Variants in ST6GALNAC3 observed in about 807,000 individuals in gnomAD.
ST6GALNAC3 encodes the protein alpha-N-acetylgalactosaminide alpha-2,6-sialyltransferase 3.
A neutral mutation model predicts 32.7 loss-of-function variants in ST6GALNAC3; 25 were observed. The ratio of observed to expected loss-of-function variants is 0.76; its 90% CI spans 0.56 to 1.07. The LOEUF (loss-of-function observed/expected upper bound fraction) is 1.07. Ranked by LOEUF, ST6GALNAC3 falls within the 50% of genes least tolerant of loss-of-function variation. The pLI, the probability that ST6GALNAC3 is intolerant of heterozygous loss-of-function variation, is 0.00. For missense variants in ST6GALNAC3, 355 were observed against 382.4 expected (o/e 0.93, Z 0.60); for synonymous variants, 129 against 133.1 (o/e 0.97, Z 0.21).
At chr1:76,164,811 T>G (rs1383228475) in intron 1 of ST6GALNAC3, among the ~76,000 whole-genome samples, 4 of 152,218 alleles carry the variant, frequency 2.6e-5, no homozygotes, top group Admixed American at 6.5e-5. Context: ...AAAGCTGATT[T>G]TGTAGAGCCA....
chr1:76,444,151 G>A (rs1656806775), intron 3 of ST6GALNAC3, among the ~76,000 whole-genome samples: 1 of 152,210 alleles, frequency 6.6e-6, no homozygotes, highest in Non-Finnish European at 1.5e-5. Flanking sequence ...TCCTCTCCCA[G>A]TGAGAAAACT....
chr1:76,449,633 T>C (rs1657243242), intron 3 of ST6GALNAC3, among the ~76,000 whole-genome samples: 1 of 152,262 alleles, frequency 6.6e-6, no homozygotes, highest in African/African-American at 2.4e-5. Context: ...ATTTCATTGT[T>C]ACTTTAATTT....
intron 3 of ST6GALNAC3, among the ~76,000 whole-genome samples, chr1:76,472,210 TA>T (rs1195879221): frequency 6.6e-6 from 1 of 152,194 alleles, no homozygotes; most frequent in African/African-American, 2.4e-5. Flanking sequence ...AAGATTCATT[TA>T]CTTGATCTCA....
rs141237740 is a variant in ST6GALNAC3, at chr1:76,554,995, T to C, written c.624-72457T>C. ...ACTAATTTGCCCAAGGTACTATAAA[T>C]ATCTCCTTTGATAGGTTAAATCATT... is the stretch of plus-strand genomic sequence containing the variant. On this transcript the variant is annotated intron_variant, in intron 3 of 4. Transcript: ENST00000328299. Among the ~76,000 whole-genome samples the C allele has an allele frequency of 2.7e-3, 405 of 152,278 alleles. 2 individuals carry two copies. The highest frequency in any genetic ancestry group is 9.2e-3 in the African/African-American group (382 of 41,568).
chr1:76,171,735 C>G (rs1652513705), intron 1 of ST6GALNAC3, among the ~76,000 whole-genome samples: 4 of 150,470 alleles, frequency 2.7e-5, no homozygotes, highest in Admixed American at 1.3e-4. Context: ...CAAGACTAAA[C>G]CAGGAAAAAG....
chr1:76,155,960 G>A (rs1651386981), intron 1 of ST6GALNAC3, among the ~76,000 whole-genome samples: 1 of 152,036 alleles, frequency 6.6e-6, no homozygotes, highest in Non-Finnish European at 1.5e-5. Context: ...CCAGGATACC[G>A]CCTTACCTTA....
intron 1 of ST6GALNAC3, among the ~76,000 whole-genome samples, chr1:76,185,353 G>A (rs996597337): frequency 6.6e-6 from 1 of 152,102 alleles, no homozygotes; most frequent in African/African-American, 2.4e-5. Flanking sequence ...CATTTTATTG[G>A]AACATCACAT....
At chr1:76,519,328 G>T (rs1456091007) in intron 3 of ST6GALNAC3, among the ~76,000 whole-genome samples, 1 of 152,010 alleles carries the variant, frequency 6.6e-6, no homozygotes. Flanking sequence ...TGTTTTCTCA[G>T]AATTTTGAAG....
intron 3 of ST6GALNAC3, among the ~76,000 whole-genome samples, chr1:76,427,559 A>C (rs989052373): frequency 1.3e-5 from 2 of 152,110 alleles, no homozygotes; most frequent in African/African-American, 4.8e-5. Flanking sequence ...ATGAGTACAT[A>C]TCTATCGAGA....
chr1:76,254,092 C>T (rs552252078), intron 1 of ST6GALNAC3, among the ~76,000 whole-genome samples: 7 of 152,168 alleles, frequency 4.6e-5, no homozygotes, highest in African/African-American at 1.7e-4. Flanking sequence ...TTTATTTCTT[C>T]GCTTTTGCAG....
At chr1:76,133,409 G>A (rs1448670318) in intron 1 of ST6GALNAC3, among the ~76,000 whole-genome samples, 1 of 152,142 alleles carries the variant, frequency 6.6e-6, no homozygotes, top group East Asian at 1.9e-4. Context: ...TGTATCAGCA[G>A]TAAAGTGGCC....
chr1:76,497,858 CT>C (rs1308194415), intron 3 of ST6GALNAC3, among the ~76,000 whole-genome samples: 1 of 152,150 alleles, frequency 6.6e-6, no homozygotes, highest in Admixed American at 6.6e-5. Flanking sequence ...CATTCAGCAC[CT>C]CTATGTGGGC....
chr1:76,224,521 AGTTGCCT>A (rs1655961489), intron 1 of ST6GALNAC3, among the ~76,000 whole-genome samples: 1 of 152,212 alleles, frequency 6.6e-6, no homozygotes, highest in South Asian at 2.1e-4. Context: ...CTGGACATCA[AGTTGCCT>A]GTCCCCTGGA....
chr1:76,085,073 A>C (rs981111379), intron 1 of ST6GALNAC3, among the ~76,000 whole-genome samples: 4 of 152,186 alleles, frequency 2.6e-5, no homozygotes, highest in Admixed American at 2.0e-4. Flanking sequence ...CCTGAGTAAG[A>C]ATGGCTTTTG....
chr1:76,350,303 A>T (rs1648867924), intron 2 of ST6GALNAC3, among the ~76,000 whole-genome samples: 1 of 152,192 alleles, frequency 6.6e-6, no homozygotes, highest in Non-Finnish European at 1.5e-5. Flanking sequence ...CTAAGATGAC[A>T]GGCGCACATC....
intron 1 of ST6GALNAC3, among the ~76,000 whole-genome samples, chr1:76,207,583 A>G (rs1490202215): frequency 1.3e-5 from 2 of 152,182 alleles, no homozygotes; most frequent in African/African-American, 2.4e-5. Flanking sequence ...GTGAGATAGA[A>G]ATGGGACTGA....
chr1:76,518,435 A>G (rs1264043897), intron 3 of ST6GALNAC3, among the ~76,000 whole-genome samples: 1 of 152,076 alleles, frequency 6.6e-6, no homozygotes, highest in Non-Finnish European at 1.5e-5. Flanking sequence ...TTAATCATGT[A>G]TAACCTGCTT....
chr1:76,124,594 T>C (rs1649121624), intron 1 of ST6GALNAC3, among the ~76,000 whole-genome samples: 1 of 152,176 alleles, frequency 6.6e-6, no homozygotes, highest in Non-Finnish European at 1.5e-5. Context: ...TGCTCTACTC[T>C]TCAGCAACAA....
At chr1:76,472,929 G>A (rs1486223004) in intron 3 of ST6GALNAC3, among the ~76,000 whole-genome samples, 1 of 152,050 alleles carries the variant, frequency 6.6e-6, no homozygotes, top group Admixed American at 6.6e-5. Context: ...TTACAAATGG[G>A]GGAAGAAGGA....
Sources: allele counts gnomAD v4.1 joint callset (sites outside exome capture counted in the v4.1 genomes callset), GRCh38; gene constraint gnomAD v4.1.1; transcripts MANE v1.5; gene names NCBI Gene and HGNC (gene_info 2026-07-23, HGNC 2026-07-21).